The following MYZAP variants were observed in gnomAD, a reference collection of about 807,000 sequenced individuals.
MYZAP encodes GRINL1A complex locus upstream.
A neutral mutation model predicts 69.4 loss-of-function variants in MYZAP; 66 were observed. The observed-to-expected ratio is 0.95, with a 90% CI of 0.78 to 1.17. MYZAP has a LOEUF of 1.17. Among genes scored for constraint, MYZAP ranks in the 50% most tolerant of loss-of-function variants. The pLI, the probability that MYZAP is intolerant of heterozygous loss-of-function variation, is 0.00. For missense variants in MYZAP, 611 were observed against 556.2 expected (o/e 1.10, Z -0.99); for synonymous variants, 256 against 205.9 (o/e 1.24, Z -2.09).
At chr15:57,607,118 CTT>C (rs2034803804) in intron 2 of MYZAP, among the ~76,000 whole-genome samples, 1 of 152,218 alleles carries the variant, frequency 6.6e-6, no homozygotes, top group Admixed American at 6.5e-5. Flanking sequence ...GCTTAGAACA[CTT>C]TTTGAAGAAG....
chr15:57,684,589 C>G lies in MYZAP; in HGVS notation c.*91C>G, dbSNP rs2039604423. ...TTGGGAAGGGTGACTGTTGTTTCCC[C>G]TACACACAGTGTAAGCCGGAATGGG... is the stretch of plus-strand genomic sequence containing the variant. On this transcript the variant is annotated 3_prime_UTR_variant, in exon 13 of 13. Coordinates refer to ENST00000267853, the MANE Select transcript of MYZAP (RefSeq NM_001018100.5). 3.7e-6 allele frequency: 3 copies of G among 801,746 alleles called. No individual in the cohort carries two copies. The highest frequency in any genetic ancestry group is 6.2e-6 in the Non-Finnish European group (3 of 481,608). 49.7% of individuals were successfully genotyped at this position (801,746 alleles called of 1,614,324 possible).
intron 11 of MYZAP, among the ~76,000 whole-genome samples, chr15:57,662,254 G>C (rs1425175949): frequency 2.0e-5 from 3 of 152,180 alleles, no homozygotes; most frequent in African/African-American, 7.2e-5. Flanking sequence ...TTGAGCCTTT[G>C]CCTTTTGAGA....
At chr15:57,594,412 C>T (rs554077578) in intron 1 of MYZAP, among the ~76,000 whole-genome samples, 28 of 152,240 alleles carry the variant, frequency 1.8e-4, no homozygotes, top group African/African-American at 5.8e-4. Context: ...CACCCAGCCC[C>T]GCCTACTGGT....
intron 2 of MYZAP, among the ~76,000 whole-genome samples, chr15:57,609,283 C>T (rs758085120): frequency 7.7e-4 from 117 of 152,296 alleles, no homozygotes; most frequent in African/African-American, 2.5e-3. Context: ...GCATGAAAAA[C>T]GAGATGGCTT....
At chr15:57,643,214 T>G (rs1202841369) in intron 10 of MYZAP, among the ~76,000 whole-genome samples, 1 of 152,170 alleles carries the variant, frequency 6.6e-6, no homozygotes, top group African/African-American at 2.4e-5. Flanking sequence ...AATTAATTCA[T>G]TCATCCATTC....
chr15:57,621,559 A>G (rs1196144267), intron 3 of MYZAP, 49 bp from the exon 4 acceptor site: 4 of 1,585,120 alleles, frequency 2.5e-6, no homozygotes, highest in Non-Finnish European at 3.4e-6. Flanking sequence ...GAAATCTTGT[A>G]TGAAAATGTT....
At chr15:57,650,012 A>G (rs1447263707) in intron 10 of MYZAP, among the ~76,000 whole-genome samples, 1 of 152,240 alleles carries the variant, frequency 6.6e-6, no homozygotes, top group Non-Finnish European at 1.5e-5. Flanking sequence ...CACCTGGGAT[A>G]GTCACTGGCA....
intron 8 of MYZAP, among the ~76,000 whole-genome samples, chr15:57,635,363 C>T (rs903591262): frequency 6.6e-6 from 1 of 152,288 alleles, no homozygotes; most frequent in East Asian, 1.9e-4. Context: ...TAAATGTCTA[C>T]CCTCAGAGTC....
intron 5 of MYZAP, among the ~76,000 whole-genome samples, chr15:57,627,382 A>AG (rs1208620272): frequency 3.9e-4 from 2 of 5,190 alleles, no homozygotes; most frequent in Non-Finnish European, 8.6e-4. Context: ...AGGGAGAGGG[A>AG]GGGGGAGGGG....
chr15:57,684,462 A>G lies in MYZAP; in HGVS notation c.1365A>G (p.Arg455=), dbSNP rs113166987. 1.2e-6 allele frequency: 2 copies of G among 1,613,356 alleles called. No homozygotes were observed. The highest frequency in any genetic ancestry group is 1.7e-6 in the Non-Finnish European group (2 of 1,179,654). ...MPSRNYTPYT[R]VLELTMKKTL... ...CTAGGAACTACACCCCATACACAAG[A>G]GTCCTGGAGTTAACCATGAAGAAAA... is the stretch of plus-strand genomic sequence containing the variant. Residue 455 remains arginine, a synonymous_variant, in exon 13 of 13, where the codon AGA becomes AGG. Coordinates refer to ENST00000267853, the MANE Select transcript of MYZAP (RefSeq NM_001018100.5).
At chr15:57,643,040 G>A (rs1297709191) in intron 10 of MYZAP, among the ~76,000 whole-genome samples, 1 of 152,184 alleles carries the variant, frequency 6.6e-6, no homozygotes, top group African/African-American at 2.4e-5. Flanking sequence ...CTCCTGTCAT[G>A]GATGTCAGGG....
chr15:57,655,764 C>T (rs1265123923), intron 10 of MYZAP, among the ~76,000 whole-genome samples: 1 of 152,206 alleles, frequency 6.6e-6, no homozygotes, highest in Non-Finnish European at 1.5e-5. Flanking sequence ...AAGAAACATA[C>T]TCATCAAAAG....
At chr15:57,636,128 T>C (rs1259631647) in intron 8 of MYZAP, among the ~76,000 whole-genome samples, 1 of 152,136 alleles carries the variant, frequency 6.6e-6, no homozygotes, top group African/African-American at 2.4e-5. Flanking sequence ...CCTTTTTCTT[T>C]CTTGTTTTTT....
intron 10 of MYZAP, among the ~76,000 whole-genome samples, chr15:57,648,737 G>A (rs1311798995): frequency 1.3e-5 from 2 of 149,386 alleles, no homozygotes; most frequent in African/African-American, 4.9e-5. Flanking sequence ...ATCCACGAAT[G>A]CTCTTCTAGG....
chr15:57,670,530 CATAGTT>C (rs1299216267), intron 11 of MYZAP, among the ~76,000 whole-genome samples: 1 of 151,974 alleles, frequency 6.6e-6, no homozygotes, highest in Non-Finnish European at 1.5e-5. Flanking sequence ...CTTTTTTATA[CATAGTT>C]ATAGTCTCTG....
chr15:57,594,306 G>A (rs1395125774), intron 1 of MYZAP, among the ~76,000 whole-genome samples: 5 of 152,178 alleles, frequency 3.3e-5, no homozygotes, highest in Admixed American at 2.6e-4. Flanking sequence ...AGTGGAGACA[G>A]GGTTTTGTCA....
At chr15:57,633,446 G>T (rs2036625717) in intron 7 of MYZAP, among the ~76,000 whole-genome samples, 167 bp from the exon 8 acceptor site, 1 of 152,174 alleles carries the variant, frequency 6.6e-6, no homozygotes, top group Non-Finnish European at 1.5e-5. Context: ...ATTCATAGGT[G>T]AGAACCAGAA....
chr15:57,676,474 A>G (rs960813071), intron 12 of MYZAP, among the ~76,000 whole-genome samples: 3 of 146,926 alleles, frequency 2.0e-5, no homozygotes, highest in African/African-American at 7.5e-5. Context: ...ATATACATAT[A>G]TATAGACTCC....
At chr15:57,615,082 G>T (rs2035344557) in intron 2 of MYZAP, among the ~76,000 whole-genome samples, 1 of 152,116 alleles carries the variant, frequency 6.6e-6, no homozygotes, top group Non-Finnish European at 1.5e-5. Flanking sequence ...GAGTCCTGGG[G>T]CCGTGCCCTT....
Sources: gnomAD v4.1 joint callset for allele counts (sites outside exome capture counted in the v4.1 genomes callset) on GRCh38, gnomAD v4.1.1 for gene constraint, MANE v1.5 for transcripts, NCBI Gene and HGNC (gene_info 2026-07-23, HGNC 2026-07-21) for gene names.